PCDH11X: variants seen among roughly 807,000 people sequenced by gnomAD.
The protein encoded by PCDH11X is protocadherin-11 X-linked.
PCDH11X carries 18 observed loss-of-function variants against 53.3 expected under a neutral mutation model. The observed-to-expected ratio is 0.34, with a 90% CI of 0.23 to 0.50. PCDH11X has a LOEUF of 0.50. Among genes scored for constraint, PCDH11X ranks in the 20% least tolerant of loss-of-function variants. The pLI is 0.98. For missense variants in PCDH11X, 570 were observed against 1,032.4 expected (o/e 0.55, Z 6.14); for synonymous variants, 279 against 393.3 (o/e 0.71, Z 3.44).
chrX:92,265,585 G>A (rs1247163134), intron 8 of PCDH11X, among the ~76,000 whole-genome samples: 5 of 111,911 alleles, frequency 4.5e-5, no homozygotes, highest in Non-Finnish European at 7.5e-5. Context: ...ATACATATAT[G>A]TGTGTATGTA....
At chrX:92,367,926 T>A (rs1174711738) in intron 8 of PCDH11X, among the ~76,000 whole-genome samples, 1 of 107,195 alleles carries the variant, frequency 9.3e-6, no homozygotes, top group Non-Finnish European at 1.9e-5. Flanking sequence ...GCTCTTAACA[T>A]TTTTTCCTTC....
intron 5 of PCDH11X, among the ~76,000 whole-genome samples, chrX:91,849,161 TCA>T (rs1473240104): frequency 3.6e-5 from 4 of 111,977 alleles, no homozygotes; most frequent in Non-Finnish European, 7.5e-5. Context: ...GGTATAGAGT[TCA>T]GTTAGCTTAA....
chrX:92,226,008 G>C (rs755034749), intron 7 of PCDH11X, among the ~76,000 whole-genome samples: 5 of 111,297 alleles, frequency 4.5e-5, no homozygotes, highest in Non-Finnish European at 9.4e-5. Flanking sequence ...GTATCGAAAG[G>C]TTATTTGGAT....
chrX:91,815,045 G>C (rs1191529502), intron 4 of PCDH11X, among the ~76,000 whole-genome samples: 1 of 110,549 alleles, frequency 9.0e-6, no homozygotes, highest in African/African-American at 3.3e-5. Flanking sequence ...ACACTATAAG[G>C]TAGACACAAT....
At chrX:92,049,233 T>C (rs1299530419) in intron 6 of PCDH11X, among the ~76,000 whole-genome samples, 1 of 111,458 alleles carries the variant, frequency 9.0e-6, no homozygotes, top group Non-Finnish European at 1.9e-5. Context: ...TGTGGATTTT[T>C]CCCACAAGAG....
chrX:91,991,552 A>AT (rs1173328175), intron 6 of PCDH11X, among the ~76,000 whole-genome samples: 1 of 84,797 alleles, frequency 1.2e-5, no homozygotes, highest in South Asian at 6.2e-4. Flanking sequence ...CGTTCCAAGG[A>AT]TTTTTTCTCT....
At chrX:92,443,255 T>C (rs1485833597) in intron 9 of PCDH11X, among the ~76,000 whole-genome samples, 1 of 111,817 alleles carries the variant, frequency 8.9e-6, no homozygotes, top group Non-Finnish European at 1.9e-5. Context: ...ATTAGTGATA[T>C]GGAGCATTTG....
chrX:91,833,777 A>C (rs1021139445), intron 4 of PCDH11X, among the ~76,000 whole-genome samples: 1 of 111,931 alleles, frequency 8.9e-6, no homozygotes, highest in African/African-American at 3.2e-5. Flanking sequence ...CATAGTTTAA[A>C]AAATGCGGAT....
At chrX:91,798,899 C>T (rs775177157) in intron 1 of PCDH11X, among the ~76,000 whole-genome samples, 7 of 109,995 alleles carry the variant, frequency 6.4e-5, no homozygotes, top group African/African-American at 1.6e-4. Flanking sequence ...TTTACTCAGA[C>T]GTGGATTATT....
At chrX:92,370,962 CT>C (rs1303047939) in intron 8 of PCDH11X, among the ~76,000 whole-genome samples, 1 of 111,605 alleles carries the variant, frequency 9.0e-6, no homozygotes, top group Non-Finnish European at 1.9e-5. Context: ...ACATATTGTC[CT>C]TTTTTGTCTC....
chrX:92,493,486 CTCCTTAG>C (rs1325160977), intron 10 of PCDH11X, among the ~76,000 whole-genome samples: 1 of 108,748 alleles, frequency 9.2e-6, no homozygotes, highest in African/African-American at 3.4e-5. Context: ...TTTTTTTGGC[CTCCTTAG>C]AAGTCAATAA....
chrX:92,075,566 A>C (rs2063761457), intron 6 of PCDH11X, among the ~76,000 whole-genome samples: 1 of 112,036 alleles, frequency 8.9e-6, no homozygotes, highest in Admixed American at 9.5e-5. Flanking sequence ...AGCTTTCATA[A>C]AGTGACTCAG....
chrX:92,149,455 C>CTGTG (rs1231750856), intron 6 of PCDH11X, among the ~76,000 whole-genome samples: 3 of 83,163 alleles, frequency 3.6e-5, no homozygotes, highest in Admixed American at 1.4e-4. Flanking sequence ...CTCTCTCTCT[C>CTGTG]TGTGTGTGTG....
At chrX:92,475,412 T>G (rs1306275133) in intron 10 of PCDH11X, among the ~76,000 whole-genome samples, 3 of 110,694 alleles carry the variant, frequency 2.7e-5, no homozygotes, top group Admixed American at 9.6e-5. Context: ...TTATTTCTCC[T>G]TCATGTTTAG....
chrX:92,539,047 G>A (rs2074714170), intron 10 of PCDH11X, among the ~76,000 whole-genome samples: 1 of 107,597 alleles, frequency 9.3e-6, no homozygotes, highest in Admixed American at 1.0e-4. Context: ...CTTGACCTTT[G>A]GGAGTTTGGT....
At chrX:92,116,877 C>T (rs751364092) in intron 6 of PCDH11X, among the ~76,000 whole-genome samples, 13 of 110,252 alleles carry the variant, frequency 1.2e-4, no homozygotes, top group African/African-American at 3.0e-4. Context: ...CATGAGCCAC[C>T]GTGCTCAGCC....
chrX:92,513,925 T>A (rs1021294169), intron 10 of PCDH11X, among the ~76,000 whole-genome samples: 8 of 110,773 alleles, frequency 7.2e-5, no homozygotes, highest in African/African-American at 2.6e-4. Flanking sequence ...ACTAGTCTGC[T>A]TTCTGTTCAT....
intron 6 of PCDH11X, among the ~76,000 whole-genome samples, chrX:91,900,347 G>A (rs1042989604): frequency 2.7e-5 from 3 of 110,780 alleles, no homozygotes; most frequent in Non-Finnish European, 1.9e-5. Flanking sequence ...CCAGCAGAAC[G>A]TAATGTCATG....
At chrX:92,288,716 G>A in intron 8 of PCDH11X, among the ~76,000 whole-genome samples, 1 of 110,970 alleles carries the variant, frequency 9.0e-6, no homozygotes, top group Non-Finnish European at 1.9e-5. Context: ...CAGTATTTCT[G>A]TGATTTGTTT....
Sources: allele counts gnomAD v4.1 joint callset (sites outside exome capture counted in the v4.1 genomes callset), GRCh38; gene constraint gnomAD v4.1.1; transcripts MANE v1.5; gene names NCBI Gene and HGNC (gene_info 2026-07-23, HGNC 2026-07-21).